WRN: variants seen among roughly 807,000 people sequenced by gnomAD.
WRN encodes WRN RecQ like helicase.
WRN carries 149 observed loss-of-function variants against 180.7 expected under a neutral mutation model. The ratio of observed to expected loss-of-function variants is 0.82; its 90% CI spans 0.72 to 0.94. The LOEUF (loss-of-function observed/expected upper bound fraction) is 0.94, where lower values mean the gene tolerates loss of function less well. Among genes scored for constraint, WRN ranks in the 40% least tolerant of loss-of-function variants. The probability of loss-of-function intolerance (pLI) is 0.00; values close to 1 mark genes in which losing one functional copy is unlikely to be tolerated. For missense variants in WRN, 1,661 were observed against 1,700.1 expected (o/e 0.98, Z 0.40); for synonymous variants, 548 against 568.9 (o/e 0.96, Z 0.52).
intron 1 of WRN, among the ~76,000 whole-genome samples, chr8:31,046,247 T>C (rs1459124438): frequency 2.0e-5 from 3 of 152,176 alleles, no homozygotes; most frequent in African/African-American, 7.2e-5. Context: ...ATAGATAAAA[T>C]TACTTGTCTT....
intron 24 of WRN, among the ~76,000 whole-genome samples, chr8:31,136,264 A>G (rs1279529992): frequency 6.6e-6 from 1 of 152,224 alleles, no homozygotes; most frequent in Non-Finnish European, 1.5e-5. Flanking sequence ...AGATATTGGC[A>G]TTACAGGCAT....
At chr8:31,134,926 G>A (rs1253686890) in intron 24 of WRN, among the ~76,000 whole-genome samples, 1 of 152,072 alleles carries the variant, frequency 6.6e-6, no homozygotes, top group African/African-American at 2.4e-5. Context: ...TAGAATTATA[G>A]TTCACAATGA....
chr8:31,153,715 TTA>T (rs571487633), intron 31 of WRN, among the ~76,000 whole-genome samples: 18 of 152,182 alleles, frequency 1.2e-4, no homozygotes, highest in Middle Eastern at 3.4e-3. Flanking sequence ...ACAGAAACAT[TTA>T]TGTTTCTCAC....
At chr8:31,117,859 CA>C (rs1801579943) in intron 20 of WRN, among the ~76,000 whole-genome samples, 1 of 152,132 alleles carries the variant, frequency 6.6e-6, no homozygotes, top group Non-Finnish European at 1.5e-5. Flanking sequence ...ATACCATTCA[CA>C]GCTGTTTAGA....
chr8:31,150,790 T>C (rs1803092386), intron 31 of WRN, among the ~76,000 whole-genome samples: 2 of 152,248 alleles, frequency 1.3e-5, no homozygotes, highest in Non-Finnish European at 2.9e-5. Context: ...TGGAAAGTTA[T>C]CCTTGCTATG....
intron 32 of WRN, among the ~76,000 whole-genome samples, chr8:31,156,067 TCA>T (rs1381792057): frequency 6.6e-6 from 1 of 152,246 alleles, no homozygotes; most frequent in Non-Finnish European, 1.5e-5. Flanking sequence ...AATTTTAAGT[TCA>T]GTTTCTTATG....
Position 31,167,073 on chromosome 8 carries a change from C to A in WRN, c.4034C>A (p.Thr1345Lys), listed in dbSNP as rs759390217. Residue 1345 changes from threonine to lysine, a missense_variant, in exon 34 of 35, where the codon ACG becomes AAG. This residue lies in a region of WRN where 1,141 missense variants were observed against 1,149.4 expected (regional missense o/e 0.99). Transcript: ENST00000298139. Reference sequence around the variant, plus strand: ...ATGTTAGTTCCTGAAAACATTGACACGTACCTTATCCACATGGCAATTGAG... The same window carrying A: ...ATGTTAGTTCCTGAAAACATTGACAAGTACCTTATCCACATGGCAATTGAG... ...IRMLVPENIDTYLIHMAIEIL... is the reference protein window; with the variant it reads ...IRMLVPENIDKYLIHMAIEIL... 1.2e-6 allele frequency: 2 copies of A among 1,613,132 alleles called. No homozygotes were observed. Among genetic ancestry groups the A allele is most frequent in the African/African-American group, 1.3e-5 (1 of 74,850 alleles).
At chr8:31,130,723 T>C (rs1274524554) in intron 23 of WRN, among the ~76,000 whole-genome samples, 1 of 151,432 alleles carries the variant, frequency 6.6e-6, no homozygotes, top group African/African-American at 2.4e-5. Flanking sequence ...TTATTTCTAC[T>C]TAAAGACAGA....
At chr8:31,069,022 A>G (rs1812812506) in intron 7 of WRN, among the ~76,000 whole-genome samples, 2 of 152,264 alleles carry the variant, frequency 1.3e-5, no homozygotes, top group South Asian at 4.1e-4. Flanking sequence ...TGTAGATACT[A>G]GCATAATGTC....
chr8:31,059,081 C>CT, intron 2 of WRN, 72 bp from the exon 3 acceptor site: 1 of 1,150,336 alleles, frequency 8.7e-7, no homozygotes, highest in South Asian at 1.2e-5. Flanking sequence ...CTTCAGTGAA[C>CT]TTTATTATTT....
At chr8:31,074,234 C>T (rs1485357059) in intron 7 of WRN, among the ~76,000 whole-genome samples, 1 of 151,796 alleles carries the variant, frequency 6.6e-6, no homozygotes, top group East Asian at 1.9e-4. Context: ...CCAAGAGTAA[C>T]CTTTTCAAAA....
At chr8:31,086,513 G>A (rs1306225634) in intron 11 of WRN, among the ~76,000 whole-genome samples, 2 of 151,984 alleles carry the variant, frequency 1.3e-5, no homozygotes, top group Non-Finnish European at 2.9e-5. Context: ...GGGAGGTTGA[G>A]GCTGCAGTTA....
chr8:31,118,289 A>G (rs1002493626), intron 20 of WRN, among the ~76,000 whole-genome samples: 4 of 152,082 alleles, frequency 2.6e-5, no homozygotes, highest in African/African-American at 9.7e-5. Context: ...GGATGTCACA[A>G]ATTTTTATCC....
intron 23 of WRN, among the ~76,000 whole-genome samples, chr8:31,128,134 G>A (rs1801999021): frequency 1.3e-5 from 2 of 151,554 alleles, no homozygotes; most frequent in Non-Finnish European, 2.9e-5. Context: ...GCACAAAGCC[G>A]ACAGAAGAGG....
intron 34 of WRN, among the ~76,000 whole-genome samples, chr8:31,169,310 G>A (rs904769703): frequency 2.7e-5 from 4 of 150,412 alleles, no homozygotes; most frequent in Admixed American, 1.3e-4. Context: ...ATTTTAAAAC[G>A]TTTTTTAGAT....
At chr8:31,065,165 T>C (rs1459837412) in intron 5 of WRN, 102 bp downstream of exon 5, 5 of 1,233,670 alleles carry the variant, frequency 4.1e-6, no homozygotes, top group Non-Finnish European at 5.7e-6. Flanking sequence ...AAAAGCTTGT[T>C]ATATAATGTT....
intron 20 of WRN, among the ~76,000 whole-genome samples, chr8:31,117,484 G>A (rs11574309): frequency 0.28 from 42,712 of 151,988 alleles, 6,241 homozygotes; most frequent in South Asian, 0.33. Flanking sequence ...TGACCTGATT[G>A]GACTGGCTCA....
intron 16 of WRN, among the ~76,000 whole-genome samples, chr8:31,093,214 A>G (rs556958463): frequency 6.6e-6 from 1 of 152,334 alleles, no homozygotes; most frequent in South Asian, 2.1e-4. Flanking sequence ...TAAAGCTGAG[A>G]CACATATAAG....
chr8:31,070,139 G>GT (rs1350419550), intron 7 of WRN, among the ~76,000 whole-genome samples: 1 of 151,248 alleles, frequency 6.6e-6, no homozygotes, highest in Non-Finnish European at 1.5e-5. Flanking sequence ...AATAATTGTG[G>GT]TTTTGGTAAT....
Sources: gnomAD v4.1 joint callset for allele counts (sites outside exome capture counted in the v4.1 genomes callset) on GRCh38, gnomAD v4.1.1 for gene constraint, gnomAD v4.1.1 regional missense constraint, MANE v1.5 for transcripts, NCBI Gene and HGNC (gene_info 2026-07-23, HGNC 2026-07-21) for gene names.